Variants in HK1 observed in about 807,000 individuals in gnomAD.
The protein encoded by HK1 is hexokinase 1.
In HK1, 28 loss-of-function variants were observed where a neutral mutation model predicts 91.6. The observed-to-expected ratio is 0.31, with a 90% CI of 0.23 to 0.42. The LOEUF (loss-of-function observed/expected upper bound fraction) is 0.42. HK1 is among the 10% of genes least tolerant of loss of function. HK1 has a pLI of 1.00. For missense variants in HK1, 770 were observed against 1,219.8 expected, an observed-to-expected ratio of 0.63 and a Z score of 5.49; for synonymous variants, 430 against 468.1, an observed-to-expected ratio of 0.92 and a Z score of 1.05.
At chr10:69,330,222 G>A (rs956203618) in intron 1 of HK1, among the ~76,000 whole-genome samples, 4 of 152,144 alleles carry the variant, frequency 2.6e-5, no homozygotes, top group African/African-American at 7.2e-5. Context: ...TGTCTGGGTG[G>A]GTGTGGTGAG....
chr10:69,295,924 C>A (rs1845542170), intron 4 of HK1, among the ~76,000 whole-genome samples: 1 of 152,116 alleles, frequency 6.6e-6, no homozygotes, highest in Admixed American at 6.5e-5. Flanking sequence ...TTCTTGGAAG[C>A]AGAATGCTAA....
chr10:69,346,296 C>A (rs761493322), intron 2 of HK1, among the ~76,000 whole-genome samples: 4 of 152,202 alleles, frequency 2.6e-5, no homozygotes, highest in African/African-American at 4.8e-5. Flanking sequence ...AATTGGCGCT[C>A]ACCATGGTGG....
At chr10:69,331,373 A>G (rs1182243117) in intron 1 of HK1, among the ~76,000 whole-genome samples, 9 of 152,228 alleles carry the variant, frequency 5.9e-5, no homozygotes, top group African/African-American at 1.9e-4. Context: ...GGCCTTCTTC[A>G]TAGAAACTGT....
At chr10:69,376,799 T>C in intron 7 of HK1, 135 bp from the exon 8 acceptor site, 1 of 1,066,704 alleles carries the variant, frequency 9.4e-7, no homozygotes, top group Non-Finnish European at 1.4e-6. Context: ...CTCAAGCACA[T>C]GGTTTTGCCT....
At chr10:69,397,203 G>A (rs527849669) in intron 16 of HK1, among the ~76,000 whole-genome samples, 1 of 152,180 alleles carries the variant, frequency 6.6e-6, no homozygotes, top group South Asian at 2.1e-4. Context: ...GTAATTCCCT[G>A]TTCAGTTGTT....
chr10:69,378,031 G>T (rs116950720), intron 8 of HK1, among the ~76,000 whole-genome samples: 139 of 152,334 alleles, frequency 9.1e-4, no homozygotes, highest in Non-Finnish European at 1.6e-3. Context: ...GAAGAGGAAA[G>T]GGGTTTATCT....
At chr10:69,292,912 T>C (rs1399956362) in intron 3 of HK1, among the ~76,000 whole-genome samples, 2 of 152,142 alleles carry the variant, frequency 1.3e-5, no homozygotes, top group African/African-American at 4.8e-5. Context: ...AAAGTTTGTC[T>C]CTAGCAGCCC....
chr10:69,275,701 G>T lies in HK1; in HGVS notation c.-391+5593G>T, dbSNP rs199917329. 1.9e-4 allele frequency among the ~76,000 whole-genome samples: 29 copies of T among 152,226 alleles called. No individual in the cohort carries two copies. The East Asian group carries it at 4.8e-3, about 25-fold the overall frequency. On this transcript the variant is annotated intron_variant, in intron 1 of 21. Coordinates refer to the HK1 transcript ENST00000360289. ...CTGCAATTCAGTTTGTCAATCCCTG[G>T]TCTAAATTATCTTAATTATTTACAA...
chr10:69,371,518 C>T (rs1195987631), intron 7 of HK1, among the ~76,000 whole-genome samples: 1 of 152,200 alleles, frequency 6.6e-6, no homozygotes, highest in Non-Finnish European at 1.5e-5. Flanking sequence ...TTCCCAAGCA[C>T]ATGTGACCCC....
chr10:69,370,077 T>G (rs960243123), intron 7 of HK1, among the ~76,000 whole-genome samples: 17 of 152,212 alleles, frequency 1.1e-4, no homozygotes, highest in African/African-American at 4.1e-4. Context: ...GCTCCTTGTT[T>G]GGTGAGATGC....
chr10:69,283,268 G>C (rs1030462930), intron 2 of HK1, among the ~76,000 whole-genome samples: 7 of 149,728 alleles, frequency 4.7e-5, no homozygotes, highest in Non-Finnish European at 8.9e-5. Context: ...GCAAAATAGA[G>C]AGATCCCATC....
At chr10:69,355,696 G>T (rs953578019) in intron 2 of HK1, among the ~76,000 whole-genome samples, 1 of 152,172 alleles carries the variant, frequency 6.6e-6, no homozygotes, top group African/African-American at 2.4e-5. Flanking sequence ...GGAGGCTGAG[G>T]CATGAGAATT....
chr10:69,349,751 A>G (rs1425572800), intron 2 of HK1, among the ~76,000 whole-genome samples: 1 of 152,178 alleles, frequency 6.6e-6, no homozygotes, highest in Non-Finnish European at 1.5e-5. Context: ...GGTAAAAGGG[A>G]CTGATAGGTC....
intron 1 of HK1, among the ~76,000 whole-genome samples, chr10:69,325,982 C>A (rs1238698318): frequency 5.9e-5 from 9 of 151,864 alleles, no homozygotes; most frequent in Non-Finnish European, 1.2e-4. Flanking sequence ...TTACAGGTGC[C>A]TGCCACTACA....
chr10:69,395,180 G>C, intron 16 of HK1, 75 bp downstream of exon 16: 3 of 1,482,094 alleles, frequency 2.0e-6, no homozygotes, highest in Non-Finnish European at 2.8e-6. Flanking sequence ...GATGGGGGTG[G>C]TAGGGACCCT....
chr10:69,368,448 T>C lies in HK1; in HGVS notation c.496-88T>C, dbSNP rs1383110889. 10 of 1,187,282 alleles carry C rather than the reference T, an allele frequency of 8.4e-6. 1 individual carries two copies. The Admixed American group carries it at 1.6e-4, about 19-fold the overall frequency. The allele number at this position is 1,187,282 out of a possible 1,614,324, so 73.5% of individuals were successfully genotyped here. On this transcript the variant is annotated intron_variant, in intron 4 of 17. Coordinates refer to ENST00000359426, the MANE Select transcript of HK1 (RefSeq NM_000188.3). ...CCACTTGGCCCCTATGGGCTTCTGC[T>C]TCATCCCTGTCCTGGAGCAATGCCC...
intron 2 of HK1, among the ~76,000 whole-genome samples, chr10:69,350,624 T>C (rs1400473548): frequency 2.0e-5 from 3 of 151,950 alleles, no homozygotes; most frequent in South Asian, 2.1e-4. Flanking sequence ...ATTGCGCCAT[T>C]GCACTCCAGC....
At chr10:69,283,123 T>TAAA (rs1844837152) in intron 2 of HK1, among the ~76,000 whole-genome samples, 1 of 24,040 alleles carries the variant, frequency 4.2e-5, no homozygotes, top group Non-Finnish European at 1.0e-4. Flanking sequence ...AAACTCAGTT[T>TAAA]CAAAAAAAAA....
intron 1 of HK1, among the ~76,000 whole-genome samples, chr10:69,330,451 A>G (rs879853591): frequency 2.0e-5 from 3 of 151,840 alleles, no homozygotes; most frequent in Admixed American, 6.6e-5. Context: ...AAAGCAGAAG[A>G]GCTAGGATGG....
Sources: gnomAD v4.1 joint callset for allele counts (sites outside exome capture counted in the v4.1 genomes callset) on GRCh38, gnomAD v4.1.1 for gene constraint, MANE v1.5 for transcripts, NCBI Gene and HGNC (gene_info 2026-07-23, HGNC 2026-07-21) for gene names.